Variants in AKT3 observed in about 807,000 individuals in gnomAD.
The protein encoded by AKT3 is AKT serine/threonine kinase 3.
A neutral mutation model predicts 65.3 loss-of-function variants in AKT3; 15 were observed. The ratio of observed to expected loss-of-function variants is 0.23; its 90% CI spans 0.15 to 0.35. The LOEUF is 0.35. AKT3 is among the 10% of genes least tolerant of loss of function. AKT3 has a pLI of 1.00. For synonymous variants in AKT3, 206 were observed against 183.8 expected (o/e 1.12, Z -0.98); for missense variants, 243 against 576.5 (o/e 0.42, Z 5.92).
chr1:243,830,923 T>C (rs927157480), intron 2 of AKT3, among the ~76,000 whole-genome samples: 17 of 152,316 alleles, frequency 1.1e-4, no homozygotes, highest in Admixed American at 9.8e-4. Context: ...ATTCCTACCC[T>C]GTCAGTTCTG....
intron 2 of AKT3, among the ~76,000 whole-genome samples, chr1:243,817,204 C>A (rs1302873730): frequency 6.6e-6 from 1 of 151,976 alleles, no homozygotes; most frequent in Non-Finnish European, 1.5e-5. Flanking sequence ...CTAAGTGCAC[C>A]CATAGGAATG....
intron 12 of AKT3, 137 bp downstream of exon 12, chr1:243,545,373 A>G (rs1672592775): frequency 2.0e-6 from 1 of 489,096 alleles, no homozygotes; most frequent in African/African-American, 2.0e-5. Flanking sequence ...ACAGAAGTTC[A>G]ATAATCACTT....
At chr1:243,604,394 T>C (rs1280582202) in intron 8 of AKT3, among the ~76,000 whole-genome samples, 1 of 152,190 alleles carries the variant, frequency 6.6e-6, no homozygotes, top group Non-Finnish European at 1.5e-5. Context: ...AAGATCTGTC[T>C]TAATGTGATT....
chr1:243,565,980 T>C (rs1674128803), intron 9 of AKT3, among the ~76,000 whole-genome samples: 1 of 152,172 alleles, frequency 6.6e-6, no homozygotes, highest in Non-Finnish European at 1.5e-5. Flanking sequence ...TTGAACAAAA[T>C]GTGAATGTAC....
At chr1:243,591,698 A>C (rs1676238217) in intron 8 of AKT3, among the ~76,000 whole-genome samples, 1 of 152,144 alleles carries the variant, frequency 6.6e-6, no homozygotes, top group African/African-American at 2.4e-5. Context: ...GGTAGAGGGA[A>C]GCACATAAGA....
chr1:243,716,627 T>C (rs1161902096), intron 2 of AKT3, among the ~76,000 whole-genome samples: 1 of 152,120 alleles, frequency 6.6e-6, no homozygotes, highest in Admixed American at 6.5e-5. Context: ...ATTTCTATAA[T>C]AAACACAAAT....
intron 12 of AKT3, among the ~76,000 whole-genome samples, chr1:243,522,177 A>G (rs1477235455): frequency 6.6e-6 from 1 of 152,214 alleles, no homozygotes. Context: ...CTAGTGAAAC[A>G]ATCTACTTTC....
intron 1 of AKT3, among the ~76,000 whole-genome samples, chr1:243,845,962 G>A (rs1695503219): frequency 6.6e-6 from 1 of 152,160 alleles, no homozygotes; most frequent in Non-Finnish European, 1.5e-5. Context: ...CCATAAAAAT[G>A]AAAGTATAGC....
At chr1:243,822,759 T>C (rs1693936942) in intron 2 of AKT3, among the ~76,000 whole-genome samples, 2 of 152,138 alleles carry the variant, frequency 1.3e-5, no homozygotes, top group African/African-American at 2.4e-5. Context: ...AATAGACCAA[T>C]ACAGGTTCTG....
At chr1:243,702,085 A>C (rs540664030) in intron 2 of AKT3, among the ~76,000 whole-genome samples, 1 of 138,668 alleles carries the variant, frequency 7.2e-6, no homozygotes, top group African/African-American at 2.7e-5. Flanking sequence ...TTATTTACAG[A>C]GGGAGAGAGC....
intron 2 of AKT3, among the ~76,000 whole-genome samples, chr1:243,710,980 C>A (rs903843049): frequency 6.6e-6 from 1 of 152,158 alleles, no homozygotes; most frequent in Non-Finnish European, 1.5e-5. Context: ...CCAAAATAAA[C>A]TGAGGTTACT....
intron 2 of AKT3, among the ~76,000 whole-genome samples, chr1:243,796,653 A>T (rs1315244054): frequency 6.6e-6 from 1 of 152,140 alleles, no homozygotes; most frequent in Non-Finnish European, 1.5e-5. Context: ...GTTTATTGCT[A>T]TCTCAGGGCC....
chr1:243,786,120 A>G (rs1307155769), intron 2 of AKT3, among the ~76,000 whole-genome samples: 1 of 152,184 alleles, frequency 6.6e-6, no homozygotes, highest in Admixed American at 6.5e-5. Flanking sequence ...GGTTTTAATC[A>G]AGGGATCTGA....
At chr1:243,831,587 A>C (rs149975942) in intron 2 of AKT3, among the ~76,000 whole-genome samples, 19 of 152,356 alleles carry the variant, frequency 1.2e-4, no homozygotes, top group Non-Finnish European at 2.1e-4. Context: ...CAAACTAAAG[A>C]AAGTTTCTCT....
chr1:243,503,649 C>T lies in AKT3; in HGVS notation c.*1600G>A, dbSNP rs1359458711. On this transcript the variant is annotated 3_prime_UTR_variant, in exon 14 of 14. Coordinates refer to ENST00000673466, the MANE Select transcript of AKT3 (RefSeq NM_005465.7). ...TGAGGTTTGCATACATGCCCCCTTTCAGTGAGAAATGTTGGAATCTGGGGG... is the reference window on the plus strand; with the variant it reads ...TGAGGTTTGCATACATGCCCCCTTTTAGTGAGAAATGTTGGAATCTGGGGG... The T allele has an allele frequency of 1.3e-5, 3 of 232,434 alleles. No homozygotes were observed. In the East Asian group the frequency reaches 1.8e-4, roughly 14 times the overall value. The allele number at this position is 232,434 out of a possible 1,614,324, so 14.4% of individuals were successfully genotyped here.
chr1:243,496,198 T>G (rs1667809622), downstream of AKT3, among the ~76,000 whole-genome samples: 1 of 152,140 alleles, frequency 6.6e-6, no homozygotes, highest in Non-Finnish European at 1.5e-5. Flanking sequence ...AATTGGGAAG[T>G]GGCTGGGCAG....
intron 4 of AKT3, among the ~76,000 whole-genome samples, chr1:243,660,205 T>C (rs1682189702): frequency 1.3e-5 from 2 of 151,992 alleles, no homozygotes; most frequent in Non-Finnish European, 2.9e-5. Context: ...TGGTTTAGTC[T>C]TGGGAGAGTG....
intron 2 of AKT3, among the ~76,000 whole-genome samples, chr1:243,715,970 G>C (rs1276282172): frequency 1.3e-5 from 2 of 152,066 alleles, no homozygotes; most frequent in African/African-American, 4.8e-5. Context: ...TACACCATTT[G>C]ATCAAAAGTT....
intron 2 of AKT3, among the ~76,000 whole-genome samples, chr1:243,823,567 C>A (rs1041803950): frequency 6.6e-6 from 1 of 152,170 alleles, no homozygotes; most frequent in African/African-American, 2.4e-5. Flanking sequence ...GCAACTTCAG[C>A]AAAGTCTCAG....
Sources: gnomAD v4.1 joint callset for allele counts (sites outside exome capture counted in the v4.1 genomes callset) on GRCh38, gnomAD v4.1.1 for gene constraint, MANE v1.5 for transcripts, NCBI Gene and HGNC (gene_info 2026-07-23, HGNC 2026-07-21) for gene names.